HS6ST3: variants seen among roughly 807,000 people sequenced by gnomAD.
HS6ST3 encodes the protein heparan sulfate 6-O-sulfotransferase 3, also known as heparan-sulfate 6-O-sulfotransferase 3.
A neutral mutation model predicts 36.7 loss-of-function variants in HS6ST3; 12 were observed. The ratio of observed to expected loss-of-function variants is 0.33; its 90% CI spans 0.21 to 0.53. HS6ST3 has a LOEUF of 0.53. HS6ST3 is among the 20% of genes least tolerant of loss of function. HS6ST3 has a pLI of 0.95. For missense variants in HS6ST3, 584 were observed against 640.9 expected (o/e 0.91, Z 0.96); for synonymous variants, 240 against 257.5 (o/e 0.93, Z 0.65).
chr13:96,596,006 T>C (rs2056400129), intron 1 of HS6ST3, among the ~76,000 whole-genome samples: 2 of 152,186 alleles, frequency 1.3e-5, no homozygotes, highest in Admixed American at 1.3e-4. Context: ...GGATGAATTG[T>C]ATATTGCTGA....
intron 1 of HS6ST3, among the ~76,000 whole-genome samples, chr13:96,498,917 G>A (rs1351216583): frequency 6.6e-6 from 1 of 152,058 alleles, no homozygotes; most frequent in Non-Finnish European, 1.5e-5. Flanking sequence ...AGGTACAACA[G>A]AATATGTTAA....
chr13:96,775,486 G>T (rs540213206), intron 1 of HS6ST3, among the ~76,000 whole-genome samples: 12 of 148,162 alleles, frequency 8.1e-5, no homozygotes, highest in African/African-American at 3.0e-4. Flanking sequence ...GATGGAGGAA[G>T]ATTTACCAAG....
rs184008138 is a variant in HS6ST3 at position 96,348,484 on chromosome 13, C to T, written c.707+256915C>T. On this transcript the variant is annotated intron_variant, in intron 1 of 1. Transcript: ENST00000376705. Reference sequence around the variant, plus strand: ...CCATGTAAGATGAAACTTAGCTTTGCGACATAAATGGCAAATATGCTTTCA... The same window carrying T: ...CCATGTAAGATGAAACTTAGCTTTGTGACATAAATGGCAAATATGCTTTCA... 1.6e-4 allele frequency among the ~76,000 whole-genome samples: 24 copies of T among 152,260 alleles called. No individual in the cohort carries two copies. The East Asian group carries it at 4.1e-3, about 26-fold the overall frequency.
At chr13:96,600,329 T>TAC (rs34142366) in intron 1 of HS6ST3, among the ~76,000 whole-genome samples, 24,745 of 145,724 alleles carry the variant, frequency 0.17, 2,052 homozygotes, top group East Asian at 0.29. Flanking sequence ...TGGAGTTAGG[T>TAC]ACACACACAC....
In HS6ST3 at chr13:96,381,487, G is replaced by C. The variant is rs575186064; in HGVS notation, c.707+289918G>C. On this transcript the variant is annotated intron_variant, in intron 1 of 1. Coordinates refer to ENST00000376705, the MANE Select transcript of HS6ST3 (RefSeq NM_153456.4). ...TTTTGGCGGTGGGGTTAAGAGTGCA[G>C]ACTCTGGGTCCATCACACTATCTGG... Among the ~76,000 whole-genome samples, 5 of 150,880 alleles carry C rather than the reference G, an allele frequency of 3.3e-5. No individual in the cohort carries two copies. The South Asian group carries it at 8.5e-4, about 26-fold the overall frequency.
At chr13:96,620,309 G>A (rs913307229) in intron 1 of HS6ST3, among the ~76,000 whole-genome samples, 2 of 152,146 alleles carry the variant, frequency 1.3e-5, no homozygotes, top group Non-Finnish European at 2.9e-5. Context: ...AAAAATGCTT[G>A]GGAAAGCTTA....
intron 1 of HS6ST3, among the ~76,000 whole-genome samples, chr13:96,585,146 G>A (rs1010575775): frequency 2.6e-5 from 4 of 152,072 alleles, no homozygotes; most frequent in Non-Finnish European, 5.9e-5. Flanking sequence ...ACTAATTAAT[G>A]TATTAATTGT....
At chr13:96,827,824 G>A (rs1188766371) in intron 1 of HS6ST3, among the ~76,000 whole-genome samples, 1 of 152,140 alleles carries the variant, frequency 6.6e-6, no homozygotes, top group Non-Finnish European at 1.5e-5. Context: ...AAGATTATGT[G>A]GAATGAAGAT....
Position 96,118,505 on chromosome 13 carries a change from A to C in HS6ST3, c.707+26936A>C, listed in dbSNP as rs1594682595. Among the ~76,000 whole-genome samples, 3 of 151,888 alleles carry C rather than the reference A, an allele frequency of 2.0e-5. No individual in the cohort carries two copies. The East Asian group carries it at 5.8e-4, about 29-fold the overall frequency. The stretch of plus-strand genomic sequence containing the variant: ...CCCTAGCAAACTGATACAGATGCCA[A>C]AAGAAAATGATGGACAATTTCCATG... On this transcript the variant is annotated intron_variant, in intron 1 of 1. Coordinates refer to ENST00000376705, the MANE Select transcript of HS6ST3 (RefSeq NM_153456.4).
intron 1 of HS6ST3, among the ~76,000 whole-genome samples, chr13:96,297,998 C>T (rs1169512630): frequency 1.3e-5 from 2 of 152,080 alleles, no homozygotes; most frequent in Non-Finnish European, 2.9e-5. Context: ...ATTTACAAAA[C>T]TATATTTATT....
intron 1 of HS6ST3, among the ~76,000 whole-genome samples, chr13:96,498,705 T>C (rs1393962265): frequency 1.3e-5 from 2 of 152,244 alleles, no homozygotes; most frequent in African/African-American, 4.8e-5. Flanking sequence ...GTCACTGTTC[T>C]TTTAGTTACT....
At chr13:96,787,676 A>C (rs1877684896) in intron 1 of HS6ST3, among the ~76,000 whole-genome samples, 1 of 151,998 alleles carries the variant, frequency 6.6e-6, no homozygotes, top group Admixed American at 6.6e-5. Flanking sequence ...TTTGAATGAT[A>C]TGTGATTTGC....
chr13:96,825,623 A>C (rs1287564284), intron 1 of HS6ST3, among the ~76,000 whole-genome samples: 1 of 152,164 alleles, frequency 6.6e-6, no homozygotes, highest in Admixed American at 6.5e-5. Context: ...ATACTGTTTA[A>C]TACTTTAATA....
Position 96,508,022 on chromosome 13 carries a change from C to A in HS6ST3, c.708-324468C>A, listed in dbSNP as rs547583092. Among the ~76,000 whole-genome samples, 7 of 152,108 alleles carry A rather than the reference C, an allele frequency of 4.6e-5. 1 individual carries two copies. The South Asian group carries it at 1.5e-3, about 32-fold the overall frequency. The stretch of plus-strand genomic sequence containing the variant: ...AGTTGAAATTACAATGCTTGTTATA[C>A]CTACATGTTTGAAATTTAGACTTTA... On this transcript the variant is annotated intron_variant, in intron 1 of 1. Transcript: ENST00000376705.
intron 1 of HS6ST3, among the ~76,000 whole-genome samples, chr13:96,237,801 C>T (rs1432224413): frequency 6.6e-6 from 1 of 152,194 alleles, no homozygotes; most frequent in Non-Finnish European, 1.5e-5. Context: ...TAGTTGACCA[C>T]TTCCTTCTTG....
intron 1 of HS6ST3, among the ~76,000 whole-genome samples, chr13:96,133,453 C>T (rs901344952): frequency 2.1e-4 from 31 of 151,144 alleles, no homozygotes; most frequent in Middle Eastern, 3.2e-3. Context: ...GATGGAGTCT[C>T]ACTCTGTTGC....
chr13:96,823,192 A>G (rs1878573022), intron 1 of HS6ST3, among the ~76,000 whole-genome samples: 1 of 152,228 alleles, frequency 6.6e-6, no homozygotes, highest in Non-Finnish European at 1.5e-5. Flanking sequence ...TACTATTGGC[A>G]AAAACCATAT....
At chr13:96,473,564 C>T (rs912727825) in intron 1 of HS6ST3, among the ~76,000 whole-genome samples, 2 of 152,326 alleles carry the variant, frequency 1.3e-5, no homozygotes, top group Non-Finnish European at 1.5e-5. Context: ...CTTGTCATCT[C>T]ACCTCTTGTC....
chr13:96,737,849 C>G lies in HS6ST3; in HGVS notation c.708-94641C>G, dbSNP rs181680290. 4.2e-3 allele frequency among the ~76,000 whole-genome samples: 639 copies of G among 152,110 alleles called. 2 individuals are homozygous for G. The highest frequency in any genetic ancestry group is 6.2e-3 in the Non-Finnish European group (421 of 67,998). On this transcript the variant is annotated intron_variant, in intron 1 of 1. Transcript: ENST00000376705. ...GGCCTTCACTTTTGGCTCTGACCCC[C>G]CTCCCATCTTCAAGCCAGCAGTCAC...
Sources: gnomAD v4.1 joint callset for allele counts (sites outside exome capture counted in the v4.1 genomes callset) on GRCh38, gnomAD v4.1.1 for gene constraint, MANE v1.5 for transcripts, NCBI Gene and HGNC (gene_info 2026-07-23, HGNC 2026-07-21) for gene names.